TANK: variants seen among roughly 807,000 people sequenced by gnomAD.
The protein encoded by TANK is TRAF family member-associated NF-kappa-B activator.
Under a neutral mutation model 43.6 loss-of-function variants are expected in TANK, and 15 were observed. The observed-to-expected ratio is 0.34, with a 90% CI of 0.23 to 0.53. TANK has a LOEUF of 0.53. Among genes scored for constraint, TANK ranks in the 20% least tolerant of loss-of-function variants. The probability of loss-of-function intolerance (pLI) is 0.94; values close to 1 mark genes in which losing one functional copy is unlikely to be tolerated. For synonymous variants in TANK, 162 were observed against 178.2 expected, an observed-to-expected ratio of 0.91 and a Z score of 0.73; for missense variants, 417 against 498.6, an observed-to-expected ratio of 0.84 and a Z score of 1.56.
chr2:161,156,025 A>G (rs1181287969), upstream of TANK: 5 of 975,014 alleles, frequency 5.1e-6, no homozygotes, highest in Non-Finnish European at 6.1e-6. Context: ...AATATATTTC[A>G]AAACACATTG....
At chr2:161,178,867 A>T (rs368850458) in intron 1 of TANK, among the ~76,000 whole-genome samples, 1 of 152,174 alleles carries the variant, frequency 6.6e-6, no homozygotes, top group East Asian at 1.9e-4. Flanking sequence ...TGATTTTTAC[A>T]GTTGGACAGG....
chr2:161,220,060 G>A (rs199625298), intron 4 of TANK, among the ~76,000 whole-genome samples: 4 of 152,044 alleles, frequency 2.6e-5, no homozygotes, highest in East Asian at 1.9e-4. Flanking sequence ...GCCTCATCCC[G>A]AAACGAAATA....
At chr2:161,157,398 T>C (rs1046660711), upstream of TANK, among the ~76,000 whole-genome samples, 2 of 152,174 alleles carry the variant, frequency 1.3e-5, no homozygotes, top group Non-Finnish European at 2.9e-5. Flanking sequence ...CCATACACAG[T>C]GGCCCTGGTT....
chr2:161,167,315 G>C (rs558700808), intron 1 of TANK, among the ~76,000 whole-genome samples: 1 of 152,182 alleles, frequency 6.6e-6, no homozygotes. Flanking sequence ...CAGGCAGTTA[G>C]AGGTGGAACA....
intron 1 of TANK, among the ~76,000 whole-genome samples, chr2:161,149,896 G>GCTAGTA (rs1425389514): frequency 2.0e-5 from 3 of 152,062 alleles, no homozygotes; most frequent in African/African-American, 7.2e-5. Flanking sequence ...CTAGTATTTT[G>GCTAGTA]TGGAGAATTT....
chr2:161,154,656 G>T (rs910776166), intron 1 of TANK, among the ~76,000 whole-genome samples: 1 of 152,078 alleles, frequency 6.6e-6, no homozygotes, highest in Admixed American at 6.6e-5. Flanking sequence ...GTGACTGATT[G>T]AATGTTGGGA....
At chr2:161,218,562 C>T (rs974511830) in intron 4 of TANK, among the ~76,000 whole-genome samples, 102 of 152,182 alleles carry the variant, frequency 6.7e-4, no homozygotes, top group African/African-American at 2.2e-3. Flanking sequence ...GGTGCAGTGG[C>T]GTGCACCTGT....
intron 1 of TANK, among the ~76,000 whole-genome samples, chr2:161,172,493 TC>T (rs1429125838): frequency 6.6e-6 from 1 of 152,058 alleles, no homozygotes; most frequent in African/African-American, 2.4e-5. Flanking sequence ...TTCATTTTTT[TC>T]CTATAGATAA....
chr2:161,153,803 A>G (rs527527666), intron 1 of TANK, among the ~76,000 whole-genome samples: 1 of 152,056 alleles, frequency 6.6e-6, no homozygotes, highest in South Asian at 2.1e-4. Flanking sequence ...GATCTTGTTC[A>G]TACATTATTT....
chr2:161,221,960 A>G (rs1687366683), intron 4 of TANK, among the ~76,000 whole-genome samples: 1 of 152,136 alleles, frequency 6.6e-6, no homozygotes, highest in Admixed American at 6.6e-5. Context: ...CCAATACACC[A>G]AAGGAATCTT....
chr2:161,189,284 A>G (rs933611857), intron 2 of TANK, among the ~76,000 whole-genome samples: 1 of 152,232 alleles, frequency 6.6e-6, no homozygotes, highest in Non-Finnish European at 1.5e-5. Context: ...ACAGGATTAA[A>G]AAGAAAAAAC....
At chr2:161,180,075 T>C in intron 2 of TANK, 5 of 1,027,118 alleles carry the variant, frequency 4.9e-6, no homozygotes, top group Non-Finnish European at 4.7e-6. Flanking sequence ...TAAAAACAGT[T>C]TTATGACACA....
intron 1 of TANK, among the ~76,000 whole-genome samples, chr2:161,164,744 A>C (rs976747033): frequency 1.3e-4 from 20 of 152,210 alleles, no homozygotes; most frequent in Non-Finnish European, 2.6e-4. Flanking sequence ...TAAAATTCAC[A>C]TAACATAAAA....
chr2:161,159,236 C>T (rs1476310692), upstream of TANK: 6 of 152,202 alleles, frequency 3.9e-5, no homozygotes, highest in Admixed American at 3.9e-4. Context: ...CACAAAAAAA[C>T]CTGCACACAG....
intron 4 of TANK, among the ~76,000 whole-genome samples, chr2:161,218,531 A>C (rs796717959): frequency 6.6e-6 from 1 of 152,234 alleles, no homozygotes; most frequent in Admixed American, 6.5e-5. Context: ...TACGTAATTC[A>C]GAAGATTTTG....
chr2:161,207,556 A>G, intron 4 of TANK: 27 of 984,082 alleles, frequency 2.7e-5, no homozygotes, highest in Non-Finnish European at 3.3e-5. Flanking sequence ...TTGTAAAAGA[A>G]TGGATAAATT....
At chr2:161,160,566 G>C in intron 1 of TANK, 80 bp downstream of exon 1, 1 of 1,159,344 alleles carries the variant, frequency 8.6e-7, no homozygotes, top group Admixed American at 3.3e-5. Context: ...TGAGCGAGAG[G>C]GACGCGCTGA....
At position 161,188,490 on chromosome 2, in the gene TANK, C is replaced by T. The variant is rs150402660; in HGVS notation, c.99+8729C>T. ...AATGAATCATGAAGAAAATGAAAAT[C>T]TGAATAGACCTTTACCTAGTAAGGA... On this transcript the variant is annotated intron_variant, in intron 2 of 7. Transcript: ENST00000392749. 6.1e-3 allele frequency among the ~76,000 whole-genome samples: 923 copies of T among 152,232 alleles called. 7 individuals are homozygous for T. The highest frequency in any genetic ancestry group is 0.021 in the African/African-American group (880 of 41,548).
chr2:161,138,493 C>T (rs188559466), intron 1 of TANK, among the ~76,000 whole-genome samples: 66 of 152,282 alleles, frequency 4.3e-4, no homozygotes, highest in Admixed American at 2.4e-3. Context: ...CACGCAGCAA[C>T]CAAGTCATTT....
Sources: allele counts gnomAD v4.1 joint callset (sites outside exome capture counted in the v4.1 genomes callset), GRCh38; gene constraint gnomAD v4.1.1; transcripts MANE v1.5; gene names NCBI Gene and HGNC (gene_info 2026-07-23, HGNC 2026-07-21).